Variants in DYNLL1 observed in about 807,000 individuals in gnomAD.
DYNLL1 encodes dynein light chain 1, cytoplasmic.
A neutral mutation model predicts 10.1 loss-of-function variants in DYNLL1; 3 were observed. The observed-to-expected ratio is 0.30, with a 90% CI of 0.14 to 0.77. The LOEUF is 0.77. Ranked by LOEUF, DYNLL1 falls within the 30% of genes least tolerant of loss-of-function variation. DYNLL1 has a pLI of 0.66. For synonymous variants in DYNLL1, 46 were observed against 41.2 expected (o/e 1.12, Z -0.45); for missense variants, 47 against 111.7 (o/e 0.42, Z 2.61).
rs537620939 is a variant in DYNLL1 at position 120,497,764 on chromosome 12, C to T, written c.133-309C>T. On this transcript the variant is annotated intron_variant, in intron 2 of 2. Coordinates refer to ENST00000242577, the MANE Select transcript of DYNLL1 (RefSeq NM_003746.3). ...TGATAAACTACACCTGTTGATGTCA[C>T]CGTCTGTCAATGAATATTATAGAAG... 12 of 275,692 alleles carry T rather than the reference C, an allele frequency of 4.4e-5. 1 individual carries two copies. The highest frequency in any genetic ancestry group is 6.2e-5 in the Non-Finnish European group (9 of 145,814). 17.1% of individuals were successfully genotyped at this position (275,692 alleles called of 1,614,324 possible).
chr12:120,476,335 A>G (rs1034197900), intron 1 of DYNLL1, among the ~76,000 whole-genome samples: 1 of 151,986 alleles, frequency 6.6e-6, no homozygotes, highest in Non-Finnish European at 1.5e-5. Context: ...TTAAAAAAAA[A>G]TAATAATAAC....
At chr12:120,480,152 G>A (rs1472766397) in intron 1 of DYNLL1, among the ~76,000 whole-genome samples, 1 of 152,090 alleles carries the variant, frequency 6.6e-6, no homozygotes, top group South Asian at 2.1e-4. Flanking sequence ...GGGCTCAGGG[G>A]GAGCGGAATT....
intron 1 of DYNLL1, chr12:120,490,797 CAAA>C (rs952037019): frequency 6.6e-6 from 1 of 151,796 alleles, no homozygotes; most frequent in Non-Finnish European, 1.5e-5. Flanking sequence ...ACAACAACAA[CAAA>C]AAAAACTTTC....
chr12:120,488,538 C>A (rs1222969688), intron 1 of DYNLL1: 1 of 152,190 alleles, frequency 6.6e-6, no homozygotes, highest in Non-Finnish European at 1.5e-5. Flanking sequence ...AGGATAGGAA[C>A]TGTGTCTGAC....
intron 1 of DYNLL1, among the ~76,000 whole-genome samples, chr12:120,485,931 G>C (rs12582491): frequency 6.7e-6 from 1 of 148,412 alleles, no homozygotes; most frequent in Non-Finnish European, 1.5e-5. Flanking sequence ...ATGTATTTAA[G>C]ACAAAATATT....
intron 1 of DYNLL1, among the ~76,000 whole-genome samples, chr12:120,474,840 A>C (rs1265348195): frequency 6.6e-6 from 1 of 152,202 alleles, no homozygotes; most frequent in Non-Finnish European, 1.5e-5. Flanking sequence ...CTATGGAATG[A>C]GTCACTGGGA....
intron 1 of DYNLL1, among the ~76,000 whole-genome samples, chr12:120,479,850 T>G (rs1258192924): frequency 2.0e-5 from 3 of 152,168 alleles, no homozygotes; most frequent in Non-Finnish European, 4.4e-5. Context: ...CTAATGTAAA[T>G]CAGAGCCTGG....
At chr12:120,487,272 CTTTTTTTTTTTTTTTTTT>C (rs71076619) in intron 1 of DYNLL1, among the ~76,000 whole-genome samples, 19 of 50,416 alleles carry the variant, frequency 3.8e-4, no homozygotes, top group East Asian at 1.2e-3. Context: ...CGTGCCCGGC[CTTTTTTTTTTTTTTTTTT>C]TTTTTTTTTT....
chr12:120,489,104 C>T (rs185741876), intron 1 of DYNLL1, among the ~76,000 whole-genome samples: 144 of 152,262 alleles, frequency 9.5e-4, no homozygotes, highest in Non-Finnish European at 1.5e-3. Flanking sequence ...CCATAGTAAA[C>T]GCTCAGAGAA....
intron 2 of DYNLL1, 188 bp downstream of exon 2, chr12:120,496,741 GTT>G (rs35017041): frequency 0.047 from 26,789 of 571,534 alleles, no homozygotes; most frequent in South Asian, 0.056. Flanking sequence ...GGCGTCCGAA[GTT>G]TTTTTTTTTT....
intron 1 of DYNLL1, among the ~76,000 whole-genome samples, chr12:120,483,136 G>C (rs1331236497): frequency 6.6e-6 from 1 of 151,996 alleles, no homozygotes; most frequent in Non-Finnish European, 1.5e-5. Context: ...TCAGGAGTTT[G>C]AGACCAGCCT....
chr12:120,495,024 C>T (rs912915186), upstream of DYNLL1, among the ~76,000 whole-genome samples: 1 of 152,172 alleles, frequency 6.6e-6, no homozygotes, highest in Non-Finnish European at 1.5e-5. Flanking sequence ...ATACTGCTAA[C>T]AAGCGTATGA....
At chr12:120,479,930 T>C (rs1878846204) in intron 1 of DYNLL1, among the ~76,000 whole-genome samples, 1 of 152,224 alleles carries the variant, frequency 6.6e-6, no homozygotes, top group African/African-American at 2.4e-5. Context: ...GAGTTGCCTT[T>C]ACCATACAAA....
intron 1 of DYNLL1, among the ~76,000 whole-genome samples, chr12:120,482,111 C>A (rs974177568): frequency 6.6e-6 from 1 of 152,162 alleles, no homozygotes; most frequent in African/African-American, 2.4e-5. Flanking sequence ...ACACTGTCTA[C>A]AAACTGATTC....
chr12:120,496,257 A>G, intron 1 of DYNLL1, 41 bp downstream of exon 1: 1 of 1,086,990 alleles, frequency 9.2e-7, no homozygotes, highest in Non-Finnish European at 1.3e-6. Context: ...TCGCTGCCTT[A>G]TTTCGCCCCA....
chr12:120,491,495 A>G (rs1385650351), upstream of DYNLL1: 1 of 152,256 alleles, frequency 6.6e-6, no homozygotes, highest in Non-Finnish European at 1.5e-5. Context: ...TTCCTTTCAG[A>G]TAAGGGAGGG....
intron 1 of DYNLL1, among the ~76,000 whole-genome samples, chr12:120,472,640 GA>G (rs1878675158): frequency 6.6e-6 from 1 of 152,172 alleles, no homozygotes; most frequent in Non-Finnish European, 1.5e-5. Context: ...TAGGGAGAGA[GA>G]AATAGAGTCA....
At chr12:120,486,116 G>T (rs549368004) in intron 1 of DYNLL1, among the ~76,000 whole-genome samples, 7 of 152,316 alleles carry the variant, frequency 4.6e-5, no homozygotes, top group African/African-American at 1.4e-4. Context: ...GTGACATTGA[G>T]TTTGAGAACA....
intron 1 of DYNLL1, among the ~76,000 whole-genome samples, chr12:120,471,096 G>T (rs928747184): frequency 6.6e-6 from 1 of 151,760 alleles, no homozygotes; most frequent in Non-Finnish European, 1.5e-5. Flanking sequence ...GGGCGTGGTG[G>T]CTCATGCCTG....
Sources: allele counts gnomAD v4.1 joint callset (sites outside exome capture counted in the v4.1 genomes callset), GRCh38; gene constraint gnomAD v4.1.1; transcripts MANE v1.5; gene names NCBI Gene and HGNC (gene_info 2026-07-23, HGNC 2026-07-21).